Variants in MBNL1 observed in about 807,000 individuals in gnomAD.
The protein encoded by MBNL1 is muscleblind like splicing regulator 1.
MBNL1 carries 8 observed loss-of-function variants against 42.2 expected under a neutral mutation model. That is an observed-to-expected ratio of 0.19 (90% confidence interval 0.11 to 0.34). MBNL1 has a LOEUF of 0.34. MBNL1 is among the 10% of genes least tolerant of loss of function. The pLI, the probability that MBNL1 is intolerant of heterozygous loss-of-function variation, is 1.00. For missense variants in MBNL1, 309 were observed against 495.3 expected, an observed-to-expected ratio of 0.62 and a Z score of 3.57; for synonymous variants, 169 against 173.9, an observed-to-expected ratio of 0.97 and a Z score of 0.22.
At chr3:152,447,858 T>C in intron 6 of MBNL1, 85 bp downstream of exon 6, 1 of 1,268,910 alleles carries the variant, frequency 7.9e-7, no homozygotes, top group Non-Finnish European at 1.1e-6. Flanking sequence ...ACCCCAAGTT[T>C]GTTTGTAATT....
At chr3:152,390,526 A>G (rs2097665440) in intron 2 of MBNL1, among the ~76,000 whole-genome samples, 1 of 151,738 alleles carries the variant, frequency 6.6e-6, no homozygotes, top group African/African-American at 2.4e-5. Context: ...AGTACATGCT[A>G]ATGATAAGTA....
intron 1 of MBNL1, among the ~76,000 whole-genome samples, chr3:152,291,053 C>A (rs986921736): frequency 6.6e-6 from 1 of 152,124 alleles, no homozygotes; most frequent in Non-Finnish European, 1.5e-5. Context: ...ATGGACAGAT[C>A]AGATATGTCT....
chr3:152,311,378 T>C (rs13063739), intron 2 of MBNL1, among the ~76,000 whole-genome samples: 83,737 of 151,978 alleles, frequency 0.55, 23,431 homozygotes, highest in Middle Eastern at 0.63. Flanking sequence ...ATATTGTTTC[T>C]AATATATGCC....
Position 152,299,531 on chromosome 3 carries a change from G to A in MBNL1, c.-663G>A. ...ACAGCACATCCACCCTCCACCTCTA[G>A]CCCAGACACCCCCATTTCTACTTAT... On this transcript the variant is annotated 5_prime_UTR_variant, in exon 2 of 10. Coordinates refer to ENST00000324210, the MANE Select transcript of MBNL1 (RefSeq NM_021038.5). 2.5e-6 allele frequency: 1 copy of A among 392,970 alleles called. No individual in the cohort carries two copies. Among genetic ancestry groups the A allele is most frequent in the Non-Finnish European group, 4.5e-6 (1 of 222,860 alleles). 24.3% of individuals were successfully genotyped at this position (392,970 alleles called of 1,614,324 possible).
intron 1 of MBNL1, among the ~76,000 whole-genome samples, chr3:152,297,041 T>C (rs2151318410): frequency 6.6e-6 from 1 of 152,290 alleles, no homozygotes; most frequent in African/African-American, 2.4e-5. Flanking sequence ...AATGACATCT[T>C]GGTAGCTTTT....
At chr3:152,315,643 T>TA (rs1214756510) in intron 2 of MBNL1, among the ~76,000 whole-genome samples, 2,448 of 148,674 alleles carry the variant, frequency 0.016, 55 homozygotes, top group African/African-American at 0.056. Flanking sequence ...ACACTTAATG[T>TA]AAAAAAAAAA....
chr3:152,342,250 T>G (rs2093404921), intron 2 of MBNL1, among the ~76,000 whole-genome samples: 1 of 152,152 alleles, frequency 6.6e-6, no homozygotes, highest in Non-Finnish European at 1.5e-5. Context: ...AAGGGGATTC[T>G]GTCTGCACCT....
rs534116754 is a variant in MBNL1 at position 152,248,604 on chromosome 3, C to T, written n.333+4164C>T. Among the ~76,000 whole-genome samples, 30 of 150,186 alleles carry T rather than the reference C, an allele frequency of 2.0e-4. No individual in the cohort carries two copies. In the South Asian group the frequency reaches 4.2e-3, roughly 21 times the overall value. The stretch of plus-strand genomic sequence containing the variant: ...TAGAGATAATCTCTTATTTTTTTTT[C>T]AAATAAAATTTTTTAAAAAATTATT... On this transcript the variant is annotated intron_variant and non_coding_transcript_variant, in intron 2 of 2. Coordinates refer to the MBNL1 transcript ENST00000477171.
At chr3:152,317,786 A>G (rs1285002213) in intron 2 of MBNL1, among the ~76,000 whole-genome samples, 1 of 152,208 alleles carries the variant, frequency 6.6e-6, no homozygotes, top group African/African-American at 2.4e-5. Flanking sequence ...TTTCAAATAG[A>G]TGTTCAACGA....
chr3:152,442,304 A>G (rs141791838), intron 4 of MBNL1, among the ~76,000 whole-genome samples: 3 of 152,340 alleles, frequency 2.0e-5, no homozygotes, highest in Non-Finnish European at 2.9e-5. Context: ...GCAGCCATCA[A>G]AAGTATTCAC....
chr3:152,364,083 T>C (rs2153180337), intron 2 of MBNL1, among the ~76,000 whole-genome samples: 1 of 152,238 alleles, frequency 6.6e-6, no homozygotes, highest in Non-Finnish European at 1.5e-5. Flanking sequence ...ATACATTAAA[T>C]TCAAGATGCC....
At position 152,427,195 on chromosome 3, in the gene MBNL1, A is replaced by G. The variant is rs1392962793; in HGVS notation, c.346-5522A>G. ...AGAGAATGGGCCCTGGATTTTAGGA[A>G]CTAGGCCATGCCTGGTTGATACCTT... is the stretch of plus-strand genomic sequence containing the variant. On this transcript the variant is annotated intron_variant, in intron 3 of 9. Transcript: ENST00000324210. Among the ~76,000 whole-genome samples, 7 of 152,208 alleles carry G rather than the reference A, an allele frequency of 4.6e-5. No individual in the cohort carries two copies. The South Asian group carries it at 1.4e-3, about 31-fold the overall frequency.
chr3:152,390,633 A>ACACACACACACACG (rs1274291891), intron 2 of MBNL1, among the ~76,000 whole-genome samples: 1 of 151,758 alleles, frequency 6.6e-6, no homozygotes, highest in Non-Finnish European at 1.5e-5. Flanking sequence ...ACACACACAC[A>ACACACACACACACG]CACACACACA....
In MBNL1 at chr3:152,307,258, G is replaced by A. The variant is rs1577505437; in HGVS notation, c.174+6891G>A. 2.0e-5 allele frequency among the ~76,000 whole-genome samples: 3 copies of A among 152,224 alleles called. No homozygotes were observed. The East Asian group carries it at 5.8e-4, about 29-fold the overall frequency. On this transcript the variant is annotated intron_variant, in intron 2 of 9. Transcript: ENST00000324210. ...CCCGCCTTGGCCTTCCAAAGTGCTG[G>A]GATTACAGGCGTGAGTCACCGCGCC...
In MBNL1 at chr3:152,277,592, T is replaced by G. The variant is rs894938484; in HGVS notation, c.-790+8500T>G. 9.7e-5 allele frequency among the ~76,000 whole-genome samples: 7 copies of G among 72,178 alleles called. No individual in the cohort carries two copies. In the East Asian group the frequency reaches 6.3e-3, roughly 65 times the overall value. 47.4% of individuals were successfully genotyped at this position (72,178 alleles called of 152,430 possible). Reference sequence around the variant, plus strand: ...CATACAGGAATCAATAAACAGTTGCTTTTGGTTAATGGTTATCTGGAGTAG... The same window carrying G: ...CATACAGGAATCAATAAACAGTTGCGTTTGGTTAATGGTTATCTGGAGTAG... On this transcript the variant is annotated intron_variant, in intron 1 of 9. Transcript: ENST00000324210.
At chr3:152,378,442 A>G (rs890942463) in intron 2 of MBNL1, among the ~76,000 whole-genome samples, 2 of 152,204 alleles carry the variant, frequency 1.3e-5, no homozygotes, top group Non-Finnish European at 2.9e-5. Context: ...AGAAACGGGT[A>G]CAATATAATG....
chr3:152,261,826 C>A (rs1559941822), intron 2 of MBNL1, among the ~76,000 whole-genome samples: 1 of 152,262 alleles, frequency 6.6e-6, no homozygotes, highest in Non-Finnish European at 1.5e-5. Flanking sequence ...CCTTTCATGA[C>A]TTTTTTTCTG....
At position 152,299,728 on chromosome 3, in the gene MBNL1, A is replaced by G. The variant is rs577366684; in HGVS notation, c.-466A>G. ...GCATCTGTCTATGCCAAACTAATCAATACCGATTGCACCACCAAACTCCAT... is the reference window on the plus strand; with the variant it reads ...GCATCTGTCTATGCCAAACTAATCAGTACCGATTGCACCACCAAACTCCAT... On this transcript the variant is annotated 5_prime_UTR_variant, in exon 2 of 10. Transcript: ENST00000324210. The G allele has an allele frequency of 3.5e-5, 14 of 399,814 alleles. No homozygotes were observed. The highest frequency in any genetic ancestry group is 2.2e-4 in the Admixed American group (5 of 22,812). 24.8% of individuals were successfully genotyped at this position (399,814 alleles called of 1,614,324 possible).
intron 8 of MBNL1, chr3:152,457,918 A>G (rs1399815146): frequency 6.1e-6 from 3 of 489,064 alleles, no homozygotes; most frequent in East Asian, 3.2e-5. Context: ...TCTTCATACT[A>G]TTTGACAACC....
Sources: gnomAD v4.1 joint callset for allele counts (sites outside exome capture counted in the v4.1 genomes callset) on GRCh38, gnomAD v4.1.1 for gene constraint, MANE v1.5 for transcripts, NCBI Gene and HGNC (gene_info 2026-07-23, HGNC 2026-07-21) for gene names.